Variants in HTR2C observed in about 807,000 individuals in gnomAD.
HTR2C encodes 5-hydroxytryptamine receptor 2C.
A neutral mutation model predicts 21.0 loss-of-function variants in HTR2C; 5 were observed. The observed-to-expected ratio is 0.24, with a 90% CI of 0.12 to 0.50. The LOEUF is 0.50. Ranked by LOEUF, HTR2C falls within the 20% of genes least tolerant of loss-of-function variation. The probability of loss-of-function intolerance (pLI) is 0.98; values close to 1 mark genes in which losing one functional copy is unlikely to be tolerated. For missense variants in HTR2C, 271 were observed against 371.2 expected (o/e 0.73, Z 2.22); for synonymous variants, 150 against 145.3 (o/e 1.03, Z -0.23).
chrX:114,805,276 C>T (rs1390103841), intron 4 of HTR2C, among the ~76,000 whole-genome samples: 9 of 109,537 alleles, frequency 8.2e-5, no homozygotes, highest in Non-Finnish European at 1.5e-4. Flanking sequence ...CAATCTGTTT[C>T]TCAGGCTGTA....
chrX:114,748,442 T>C (rs1426621801), intron 4 of HTR2C, among the ~76,000 whole-genome samples: 1 of 111,429 alleles, frequency 9.0e-6, no homozygotes, highest in African/African-American at 3.3e-5. Context: ...GCAAAAGAAC[T>C]ACAATAGCTG....
chrX:114,653,732 A>G (rs946718573), intron 2 of HTR2C, among the ~76,000 whole-genome samples: 5 of 110,587 alleles, frequency 4.5e-5, no homozygotes, highest in Non-Finnish European at 7.6e-5. Context: ...ATCTAGCTAC[A>G]AACACTTTCT....
At chrX:114,745,007 C>T (rs1395594052) in intron 4 of HTR2C, among the ~76,000 whole-genome samples, 3 of 111,701 alleles carry the variant, frequency 2.7e-5, no homozygotes, top group African/African-American at 9.8e-5. Context: ...GCTTAACTCT[C>T]GTTAAAAGCC....
intron 4 of HTR2C, among the ~76,000 whole-genome samples, chrX:114,759,032 C>T (rs1291147631): frequency 9.0e-6 from 1 of 111,566 alleles, no homozygotes; most frequent in Non-Finnish European, 1.9e-5. Context: ...ACATAAATTA[C>T]ACCCTGCATT....
intron 2 of HTR2C, among the ~76,000 whole-genome samples, chrX:114,617,148 A>C (rs781911399): frequency 1.5e-4 from 17 of 112,477 alleles, no homozygotes; most frequent in African/African-American, 5.5e-4. Flanking sequence ...TTCAAGAAAA[A>C]CATAAATAGG....
rs782689776 is a variant in HTR2C, at chrX:114,706,593, T to G, written c.-79-20265T>G. ...GGGGAGGGGGGAGGGATAGCATTAG[T>G]AGATATACCTAATGCTAAATGACGA... On this transcript the variant is annotated intron_variant, in intron 2 of 5. Coordinates refer to ENST00000276198, the MANE Select transcript of HTR2C (RefSeq NM_000868.4). Among the ~76,000 whole-genome samples, 828 of 96,318 alleles carry G rather than the reference T, an allele frequency of 8.6e-3. 18 individuals carry two copies. Among genetic ancestry groups the G allele is most frequent in the African/African-American group, 0.029 (779 of 26,441 alleles). The allele number at this position is 96,318 out of a possible 115,157, so 83.6% of individuals were successfully genotyped here.
At position 114,674,093 on chromosome X, in the gene HTR2C, G is replaced by A. The variant is rs141891742; in HGVS notation, c.-79-52765G>A. Reference sequence around the variant, plus strand: ...GACCATGCCTCAAGGCAATGCAGGGGCACCTTTTAACTCATGAACAAATGT... The same window carrying A: ...GACCATGCCTCAAGGCAATGCAGGGACACCTTTTAACTCATGAACAAATGT... On this transcript the variant is annotated intron_variant, in intron 2 of 5. Transcript: ENST00000276198. Among the ~76,000 whole-genome samples the A allele has an allele frequency of 2.9e-3, 321 of 112,114 alleles. 1 individual carries two copies. The highest frequency in any genetic ancestry group is 4.7e-3 in the Non-Finnish European group (252 of 53,246).
intron 1 of HTR2C, among the ~76,000 whole-genome samples, chrX:114,601,645 G>T (rs1422713500): frequency 9.1e-6 from 1 of 109,967 alleles, no homozygotes; most frequent in East Asian, 2.9e-4. Context: ...TGATTCTTCA[G>T]TTACTTCAGG....
Position 114,711,051 on chromosome X carries a change from A to G in HTR2C, c.-79-15807A>G, listed in dbSNP as rs781872576. 3.6e-5 allele frequency among the ~76,000 whole-genome samples: 4 copies of G among 111,973 alleles called. No individual in the cohort carries two copies. The South Asian group carries it at 1.1e-3, about 31-fold the overall frequency. On this transcript the variant is annotated intron_variant, in intron 2 of 5. Coordinates refer to ENST00000276198, the MANE Select transcript of HTR2C (RefSeq NM_000868.4). ...CCTGTAGAATTTTTCAAACCTACCT[A>G]AAGTATAGGCAATATAATATGATTG...
intron 4 of HTR2C, among the ~76,000 whole-genome samples, chrX:114,746,738 C>A (rs1438795349): frequency 1.8e-5 from 2 of 110,925 alleles, no homozygotes; most frequent in Non-Finnish European, 3.8e-5. Context: ...GTAATCCCAG[C>A]ACGTTGGGAG....
intron 1 of HTR2C, among the ~76,000 whole-genome samples, chrX:114,606,046 G>A (rs1184653918): frequency 1.8e-5 from 2 of 109,241 alleles, no homozygotes; most frequent in Non-Finnish European, 3.8e-5. Context: ...ATAAGGGATT[G>A]GGGCACAGAG....
intron 2 of HTR2C, among the ~76,000 whole-genome samples, chrX:114,642,820 T>G (rs1171463564): frequency 4.9e-5 from 1 of 20,519 alleles, no homozygotes; most frequent in Non-Finnish European, 1.1e-4. Flanking sequence ...ACAAATTAGT[T>G]TTTTTATAGA....
At chrX:114,623,325 T>C (rs1217061195) in intron 2 of HTR2C, among the ~76,000 whole-genome samples, 1 of 112,156 alleles carries the variant, frequency 8.9e-6, no homozygotes, top group African/African-American at 3.2e-5. Context: ...TTAACTATTG[T>C]TTTCTTGCTA....
At chrX:114,689,208 G>GTATATATATATATATATATATATATATA (rs58916694) in intron 2 of HTR2C, among the ~76,000 whole-genome samples, 22 of 72,691 alleles carry the variant, frequency 3.0e-4, no homozygotes, top group African/African-American at 8.7e-4. Context: ...GTATGTATGC[G>GTATATATATATATATATATATATATATA]TATATATATA....
At chrX:114,703,418 A>G (rs1202090368) in intron 2 of HTR2C, among the ~76,000 whole-genome samples, 35 of 111,052 alleles carry the variant, frequency 3.2e-4, no homozygotes, top group African/African-American at 8.2e-4. Context: ...ACTCAAAACC[A>G]CTCAACTACA....
intron 2 of HTR2C, among the ~76,000 whole-genome samples, chrX:114,684,531 AT>A (rs1490910488): frequency 6.3e-5 from 7 of 111,722 alleles, no homozygotes; most frequent in Non-Finnish European, 1.9e-5. Context: ...ACAGCCTTAA[AT>A]TTTTTAGGTT....
chrX:114,790,354 AT>A (rs1215145529), intron 4 of HTR2C, among the ~76,000 whole-genome samples: 2 of 111,917 alleles, frequency 1.8e-5, no homozygotes, highest in African/African-American at 6.5e-5. Flanking sequence ...ATTTTATTGC[AT>A]TTATAATGAG....
At chrX:114,886,663 A>G (rs181785846) in intron 5 of HTR2C, among the ~76,000 whole-genome samples, 2 of 111,083 alleles carry the variant, frequency 1.8e-5, no homozygotes, top group East Asian at 2.8e-4. Flanking sequence ...CATATATTAC[A>G]TATGATACAT....
At chrX:114,634,772 A>G (rs1020076030) in intron 2 of HTR2C, among the ~76,000 whole-genome samples, 1 of 111,367 alleles carries the variant, frequency 9.0e-6, no homozygotes, top group Admixed American at 9.6e-5. Context: ...AGATCACATT[A>G]CTGCATTCCA....
Sources: allele counts gnomAD v4.1 joint callset (sites outside exome capture counted in the v4.1 genomes callset), GRCh38; gene constraint gnomAD v4.1.1; transcripts MANE v1.5; gene names NCBI Gene and HGNC (gene_info 2026-07-23, HGNC 2026-07-21).